ITGB6: variants seen among roughly 807,000 people sequenced by gnomAD.
ITGB6 encodes the protein integrin subunit beta 6, also known as integrin beta-6.
In ITGB6, 80 loss-of-function variants were observed where a neutral mutation model predicts 84.5. The observed-to-expected ratio is 0.95, with a 90% CI of 0.79 to 1.14. The LOEUF is 1.14. Among genes scored for constraint, ITGB6 ranks in the 50% most tolerant of loss-of-function variants. ITGB6 has a pLI of 0.00. For synonymous variants in ITGB6, 383 were observed against 354.9 expected (o/e 1.08, Z -0.89); for missense variants, 1,006 against 968.0 (o/e 1.04, Z -0.52).
chr2:160,145,716 C>T (rs1684159453), intron 7 of ITGB6, among the ~76,000 whole-genome samples: 1 of 152,102 alleles, frequency 6.6e-6, no homozygotes, highest in Non-Finnish European at 1.5e-5. Context: ...GAGGAACATG[C>T]GGTCACACAA....
At chr2:160,171,791 C>T (rs1471121) in intron 6 of ITGB6, among the ~76,000 whole-genome samples, 29,282 of 152,130 alleles carry the variant, frequency 0.19, 3,766 homozygotes, top group Middle Eastern at 0.38. Flanking sequence ...AACACATCTG[C>T]GTATGCAACT....
intron 7 of ITGB6, among the ~76,000 whole-genome samples, 185 bp from the exon 8 acceptor site, chr2:160,142,256 G>A (rs574127592): frequency 1.3e-5 from 2 of 152,256 alleles, no homozygotes; most frequent in African/African-American, 4.8e-5. Context: ...GTGCTCAAGT[G>A]GAAAATGGAC....
intron 10 of ITGB6, among the ~76,000 whole-genome samples, chr2:160,136,584 A>C (rs1683734500): frequency 6.6e-6 from 1 of 152,258 alleles, no homozygotes; most frequent in Admixed American, 6.5e-5. Context: ...CCATGCTGCT[A>C]TAAAGACACA....
intron 7 of ITGB6, among the ~76,000 whole-genome samples, chr2:160,162,775 C>T (rs72623108): frequency 0.15 from 23,200 of 152,034 alleles, 2,331 homozygotes; most frequent in East Asian, 0.32. Flanking sequence ...CATGCCACCA[C>T]AACCTGCTAA....
At chr2:160,135,550 C>G (rs1200223127) in intron 10 of ITGB6, among the ~76,000 whole-genome samples, 1 of 152,030 alleles carries the variant, frequency 6.6e-6, no homozygotes, top group Non-Finnish European at 1.5e-5. Context: ...CTGGAAAAAA[C>G]TACTTTATAG....
chr2:160,118,150 C>T (rs1682868284), intron 12 of ITGB6, among the ~76,000 whole-genome samples: 2 of 152,148 alleles, frequency 1.3e-5, no homozygotes, highest in Non-Finnish European at 2.9e-5. Flanking sequence ...GGGAATCCTC[C>T]CTAACTCATT....
At chr2:160,158,388 T>G (rs966649162) in intron 7 of ITGB6, among the ~76,000 whole-genome samples, 1 of 152,202 alleles carries the variant, frequency 6.6e-6, no homozygotes, top group African/African-American at 2.4e-5. Flanking sequence ...GGATCCACCG[T>G]GCATGACTGT....
At chr2:160,135,724 G>C (rs1228164360) in intron 10 of ITGB6, among the ~76,000 whole-genome samples, 1 of 151,870 alleles carries the variant, frequency 6.6e-6, no homozygotes, top group Non-Finnish European at 1.5e-5. Flanking sequence ...CAATGGAACA[G>C]AACAGAGCCC....
At chr2:160,198,519 A>G (rs1261033456) in intron 2 of ITGB6, among the ~76,000 whole-genome samples, 2 of 152,234 alleles carry the variant, frequency 1.3e-5, no homozygotes, top group South Asian at 2.1e-4. Context: ...CTTACCATGA[A>G]TCAGTTAGAC....
intron 7 of ITGB6, among the ~76,000 whole-genome samples, chr2:160,162,005 A>C (rs908216380): frequency 2.6e-5 from 4 of 152,226 alleles, no homozygotes; most frequent in Admixed American, 2.0e-4. Flanking sequence ...TAATACTGTG[A>C]ATGGAGCGTG....
intron 14 of ITGB6, among the ~76,000 whole-genome samples, chr2:160,106,525 A>G (rs984113216): frequency 7.9e-5 from 12 of 152,220 alleles, no homozygotes; most frequent in African/African-American, 2.7e-4. Flanking sequence ...GGTGTGAGCC[A>G]CCATGCCCAG....
chr2:160,184,799 T>A (rs547184275), intron 4 of ITGB6, among the ~76,000 whole-genome samples: 200 of 152,330 alleles, frequency 1.3e-3, no homozygotes, highest in African/African-American at 4.6e-3. Flanking sequence ...GCTGGCTTCA[T>A]CCCTGTGATG....
chr2:160,193,641 T>G (rs1309837774), intron 4 of ITGB6, among the ~76,000 whole-genome samples: 1 of 152,174 alleles, frequency 6.6e-6, no homozygotes. Context: ...TGCGAGGGAG[T>G]GGGCAGACAG....
chr2:160,138,136 T>C lies in ITGB6; in HGVS notation c.1171A>G (p.Thr391Ala), dbSNP rs1201159309. 1 of 1,613,866 alleles carries C rather than the reference T, an allele frequency of 6.2e-7. No homozygotes were observed. The highest frequency in any genetic ancestry group is 8.5e-7 in the Non-Finnish European group (1 of 1,179,944). The part of the protein sequence containing the change: ...GDTEGLNLSF[T>A]AICNNGTLFQ... ...AGGGTACCGTTGTTACAGATGGCTG[T>C]AAATGACAAGTTGAGTCCTTCAGTG... is the stretch of plus-strand genomic sequence containing the variant. Residue 391 changes from threonine (T) to alanine (A), a missense_variant, in exon 9 of 15, where the codon ACA becomes GCA. Thr to Ala is a moderately conservative substitution (Grantham distance 58). Transcript: ENST00000283249.
rs190864803 is a variant in ITGB6 at position 160,193,950 on chromosome 2, A to G, written c.593+1419T>C. ...GGCGGGTGGATCGCTTGAGGTCAGG[A>G]GTTTGAGACCAGCCTGGCCAACATA... On this transcript the variant is annotated intron_variant, in intron 4 of 14. Transcript: ENST00000283249. Among the ~76,000 whole-genome samples the G allele has an allele frequency of 1.5e-3, 224 of 152,294 alleles. 1 individual carries two copies. Among genetic ancestry groups the G allele is most frequent in the Non-Finnish European group, 1.6e-3 (108 of 68,018 alleles).
intron 7 of ITGB6, among the ~76,000 whole-genome samples, chr2:160,150,684 C>T (rs550320537): frequency 6.6e-6 from 1 of 152,094 alleles, no homozygotes; most frequent in East Asian, 1.9e-4. Flanking sequence ...GGAGTCAAGA[C>T]CCATTGGTGT....
chr2:160,128,225 C>A (rs1683312776), intron 10 of ITGB6, among the ~76,000 whole-genome samples: 3 of 142,246 alleles, frequency 2.1e-5, no homozygotes, highest in Admixed American at 7.2e-5. Context: ...TGAGGGTTTC[C>A]AAAGGAAGTA....
In ITGB6 at chr2:160,195,491, G is replaced by A; in HGVS notation, c.471C>T (p.Ser157=). ...ATTTAGACATCTCTTTGGAAAGCCGGGAGCCCAGCTCCTTTATTGTGTTGA... is the reference window on the plus strand; with the variant it reads ...ATTTAGACATCTCTTTGGAAAGCCGAGAGCCCAGCTCCTTTATTGTGTTGA... ...DDLNTIKELG[S]RLSKEMSKLT... Residue 157 remains serine (S), a synonymous_variant, in exon 4 of 15, where the codon TCC becomes TCT. Transcript: ENST00000283249. 6.2e-7 allele frequency: 1 copy of A among 1,614,192 alleles called. No individual in the cohort carries two copies. Among genetic ancestry groups the A allele is most frequent in the Non-Finnish European group, 8.5e-7 (1 of 1,180,022 alleles).
At position 160,147,653 on chromosome 2, in the gene ITGB6, G is replaced by C. The variant is rs538286727; in HGVS notation, c.1018-5582C>G. Among the ~76,000 whole-genome samples the C allele has an allele frequency of 1.6e-4, 25 of 152,228 alleles. No homozygotes were observed. The Middle Eastern group carries it at 0.027, about 166-fold the overall frequency. On this transcript the variant is annotated intron_variant, in intron 7 of 14. Transcript: ENST00000283249. ...AGTCAGACAAATGTAACAGAATAGAGAGCCCAGAAATAGACCTACATAAAT... is the reference window on the plus strand; with the variant it reads ...AGTCAGACAAATGTAACAGAATAGACAGCCCAGAAATAGACCTACATAAAT...
Sources: allele counts gnomAD v4.1 joint callset (sites outside exome capture counted in the v4.1 genomes callset), GRCh38; gene constraint gnomAD v4.1.1; transcripts MANE v1.5; gene names NCBI Gene and HGNC (gene_info 2026-07-23, HGNC 2026-07-21).